The following OPA1 variants were observed in gnomAD, a reference collection of about 807,000 sequenced individuals.
OPA1 encodes the protein OPA1 mitochondrial dynamin like GTPase.
In OPA1, 59 loss-of-function variants were observed where a neutral mutation model predicts 152.9. That is an observed-to-expected ratio of 0.39 (90% CI 0.31 to 0.48). The LOEUF (loss-of-function observed/expected upper bound fraction) is 0.48. Ranked by LOEUF, OPA1 falls within the 20% of genes least tolerant of loss-of-function variation. OPA1 has a pLI of 0.96. For synonymous variants in OPA1, 400 were observed against 389.9 expected (o/e 1.03, Z -0.31); for missense variants, 1,008 against 1,216.8 (o/e 0.83, Z 2.55).
intron 21 of OPA1, among the ~76,000 whole-genome samples, chr3:193,652,759 A>G (rs1443335170): frequency 1.3e-5 from 2 of 152,110 alleles, no homozygotes; most frequent in African/African-American, 4.8e-5. Context: ...GATGGAGGGG[A>G]GCAGTGGGAG....
chr3:193,612,314 T>C (rs1208718919), intron 1 of OPA1, among the ~76,000 whole-genome samples: 3 of 149,260 alleles, frequency 2.0e-5, no homozygotes, highest in Non-Finnish European at 3.0e-5. Flanking sequence ...GGTGAAAGTG[T>C]AATTTAACAA....
chr3:193,649,265 CAT>C (rs540585898), intron 21 of OPA1, among the ~76,000 whole-genome samples: 91 of 152,220 alleles, frequency 6.0e-4, no homozygotes, highest in Middle Eastern at 6.8e-3. Flanking sequence ...CTTTCTGTAA[CAT>C]GTGGTTAATA....
chr3:193,637,238 C>G lies in OPA1; in HGVS notation c.992C>G (p.Ser331Cys). The G allele has an allele frequency of 6.2e-7, 1 of 1,607,960 alleles. No individual in the cohort carries two copies. Among genetic ancestry groups the G allele is most frequent in the Non-Finnish European group, 8.5e-7 (1 of 1,176,162 alleles). The part of the protein sequence containing the change: ...DMYSEVLDVL[S>C]DYDASYNTQD... ...TATTCTGAAGTTCTTGATGTTCTCT[C>G]TGATTATGATGCCAGTTATAATACG... The change falls in exon 10 of 31, where the codon TCT becomes TGT. Residue 331 changes from serine to cysteine, a missense_variant. Around this residue, in one of 7 missense-constraint regions of OPA1, gnomAD observed 408 missense variants for 395.1 expected, o/e 1.03. Coordinates refer to ENST00000361510, the MANE Select transcript of OPA1 (RefSeq NM_130837.3).
intron 16 of OPA1, 120 bp from the exon 17 acceptor site, chr3:193,645,433 G>C (rs569380650): frequency 3.0e-6 from 2 of 672,784 alleles, no homozygotes; most frequent in Admixed American, 3.0e-5. Context: ...AAATGCTTTT[G>C]TGCAGATTTA....
In OPA1 at chr3:193,654,985, T is replaced by TA; in HGVS notation, c.2139dup (p.Gln714ThrfsTer4). 2 of 1,613,952 alleles carry TA rather than the reference T, an allele frequency of 1.2e-6. No homozygotes were observed. Among genetic ancestry groups the TA allele is most frequent in the Non-Finnish European group, 1.7e-6 (2 of 1,179,914 alleles). On this transcript the variant is annotated frameshift_variant, in exon 22 of 31. Coordinates refer to ENST00000361510, the MANE Select transcript of OPA1 (RefSeq NM_130837.3). LOFTEE classifies it high-confidence loss of function. ...TTAACACCACAGTGGATATCAAGCT[T>TA]AAACAGTGGACTGATAAACAACTTC...
At position 193,694,881 on chromosome 3, in the gene OPA1, A is replaced by C. The variant is rs1302100713; in HGVS notation, c.*281A>C. The C allele has an allele frequency of 6.6e-6, 1 of 152,176 alleles. No homozygotes were observed. Among genetic ancestry groups the C allele is most frequent in the Non-Finnish European group, 1.5e-5 (1 of 68,028 alleles). The allele number at this position is 152,176 out of a possible 1,614,324, so 9.4% of individuals were successfully genotyped here. On this transcript the variant is annotated 3_prime_UTR_variant, in exon 31 of 31. Coordinates refer to ENST00000361510, the MANE Select transcript of OPA1 (RefSeq NM_130837.3). Reference sequence around the variant, plus strand: ...ATTAGGTTCAGTCCTTGAAGATAAGAAACTTGTTCTCTGTTTGTTGTCTTA... The same window carrying C: ...ATTAGGTTCAGTCCTTGAAGATAAGCAACTTGTTCTCTGTTTGTTGTCTTA...
At chr3:193,610,448 TG>T (rs747646671) in intron 1 of OPA1, among the ~76,000 whole-genome samples, 27 of 152,122 alleles carry the variant, frequency 1.8e-4, no homozygotes, top group African/African-American at 4.6e-4. Context: ...CTGCCCCTAC[TG>T]GGGGGTGCCT....
chr3:193,620,858 A>G (rs1214691847), intron 6 of OPA1, among the ~76,000 whole-genome samples: 19 of 152,206 alleles, frequency 1.2e-4, no homozygotes, highest in Admixed American at 1.2e-3. Context: ...AGCTAAACTG[A>G]GTGATTTTGA....
At chr3:193,633,123 T>C (rs905236620) in intron 8 of OPA1, among the ~76,000 whole-genome samples, 2 of 152,076 alleles carry the variant, frequency 1.3e-5, no homozygotes, top group African/African-American at 4.8e-5. Context: ...TTTTTAAGGG[T>C]TCCTAGCCAG....
chr3:193,643,637 A>G lies in OPA1; in HGVS notation c.1477+10A>G. ...ATACTGTGTATTCAAGGTAAATCATATCAAAAGATTTTAATGTACTGATAT... is the reference window on the plus strand; with the variant it reads ...ATACTGTGTATTCAAGGTAAATCATGTCAAAAGATTTTAATGTACTGATAT... On this transcript the variant is annotated intron_variant, in intron 15 of 30. Coordinates refer to ENST00000361510, the MANE Select transcript of OPA1 (RefSeq NM_130837.3). 6.3e-7 allele frequency: 1 copy of G among 1,598,324 alleles called. No homozygotes were observed. Among genetic ancestry groups the G allele is most frequent in the Non-Finnish European group, 8.6e-7 (1 of 1,166,242 alleles).
chr3:193,618,924 G>A lies in OPA1; in HGVS notation c.666G>A (p.Lys222=). ...CAGATCGTGGATCTGAAAGTGACAA[G>A]CATTTTAGAAAGGTAAGTGTAAAAG... The part of the protein sequence containing the change: ...RATDRGSESD[K]HFRKGLLGEL... The change falls in exon 6 of 31, where the codon AAG becomes AAA. Residue 222 remains lysine, a synonymous_variant. Coordinates refer to ENST00000361510, the MANE Select transcript of OPA1 (RefSeq NM_130837.3). The A allele has an allele frequency of 6.2e-7, 1 of 1,613,390 alleles. No individual in the cohort carries two copies. The highest frequency in any genetic ancestry group is 1.1e-5 in the South Asian group (1 of 91,068).
intron 7 of OPA1, among the ~76,000 whole-genome samples, chr3:193,630,767 A>C (rs1198964739): frequency 6.6e-6 from 1 of 152,184 alleles, no homozygotes; most frequent in East Asian, 1.9e-4. Context: ...AGTTATGTGA[A>C]TTCATCATAA....
chr3:193,687,252 A>G (rs1191533971), intron 29 of OPA1, among the ~76,000 whole-genome samples: 1 of 152,234 alleles, frequency 6.6e-6, no homozygotes, highest in Admixed American at 6.5e-5. Flanking sequence ...GAGACGGTTT[A>G]TGAGTTGGGG....
chr3:193,601,776 A>G (rs1415101271), intron 1 of OPA1, among the ~76,000 whole-genome samples: 2 of 152,198 alleles, frequency 1.3e-5, no homozygotes, highest in Admixed American at 6.5e-5. Context: ...CAGTTGAAAA[A>G]GAGTGTTGTT....
At chr3:193,627,389 A>AG (rs1731330917) in intron 7 of OPA1, 1 of 152,204 alleles carries the variant, frequency 6.6e-6, no homozygotes, top group South Asian at 2.1e-4. Context: ...CGATGTGTTA[A>AG]GCCAAGGAGG....
chr3:193,697,197 G>A lies in OPA1; in HGVS notation c.*2597G>A, dbSNP rs1197984074. 1 of 152,214 alleles carries A rather than the reference G, an allele frequency of 6.6e-6. No homozygotes were observed. Among genetic ancestry groups the A allele is most frequent in the Non-Finnish European group, 1.5e-5 (1 of 68,030 alleles). 9.4% of individuals were successfully genotyped at this position (152,214 alleles called of 1,614,324 possible). A position where few individuals can be genotyped will look rare whatever the true frequency, so the allele number is the denominator to read the frequency against. On this transcript the variant is annotated 3_prime_UTR_variant, in exon 31 of 31. Coordinates refer to ENST00000361510, the MANE Select transcript of OPA1 (RefSeq NM_130837.3). ...TTGTATTTATTTATTCTAGATGTATGTATCTGAGGAAAGAAATCTGGTATT... is the reference window on the plus strand; with the variant it reads ...TTGTATTTATTTATTCTAGATGTATATATCTGAGGAAAGAAATCTGGTATT...
chr3:193,619,059 A>C lies in OPA1; in HGVS notation c.678+123A>C, dbSNP rs1202099833. ...CAAATACAAAAACATCCAAGTAGAG[A>C]TATCGTTACTAATCTTAGTGCAAAG... On this transcript the variant is annotated intron_variant, in intron 6 of 30. Transcript: ENST00000361510. 5 of 778,652 alleles carry C rather than the reference A, an allele frequency of 6.4e-6. No individual in the cohort carries two copies. The South Asian group carries it at 7.3e-5, about 11-fold the overall frequency. 48.2% of individuals were successfully genotyped at this position (778,652 alleles called of 1,614,324 possible).
rs1722204961 is a variant in OPA1, at chr3:193,695,820, C to T, written c.*1220C>T. ...CTTGGAGTTGCTTTTTGGTAACAGC[C>T]CCATTGCTACTCCCCATTTTATTGT... is the stretch of plus-strand genomic sequence containing the variant. On this transcript the variant is annotated 3_prime_UTR_variant, in exon 31 of 31. Transcript: ENST00000361510. 6.6e-6 allele frequency: 1 copy of T among 152,034 alleles called. No homozygotes were observed. Among genetic ancestry groups the T allele is most frequent in the Non-Finnish European group, 1.5e-5 (1 of 67,998 alleles). The allele number at this position is 152,034 out of a possible 1,614,324, so 9.4% of individuals were successfully genotyped here. A position where few individuals can be genotyped will look rare whatever the true frequency, so the allele number is the denominator to read the frequency against.
chr3:193,618,797 A>G, intron 5 of OPA1, 72 bp from the exon 6 acceptor site: 1 of 1,181,992 alleles, frequency 8.5e-7, no homozygotes, highest in Non-Finnish European at 1.3e-6. Context: ...CATTGACTCG[A>G]TGTAATTTGA....
Sources: gnomAD v4.1 joint callset for allele counts (sites outside exome capture counted in the v4.1 genomes callset) on GRCh38, gnomAD v4.1.1 for gene constraint, gnomAD v4.1.1 regional missense constraint, MANE v1.5 for transcripts, NCBI Gene and HGNC (gene_info 2026-07-23, HGNC 2026-07-21) for gene names.